CELF4: variants seen among roughly 807,000 people sequenced by gnomAD.
CELF4 encodes CUG-BP- and ETR-3-like factor 4.
In CELF4, 18 loss-of-function variants were observed where a neutral mutation model predicts 59.9. That is an observed-to-expected ratio of 0.30 (90% confidence interval 0.21 to 0.45). The LOEUF (loss-of-function observed/expected upper bound fraction) is 0.45. Ranked by LOEUF, CELF4 falls within the 20% of genes least tolerant of loss-of-function variation. The probability of loss-of-function intolerance (pLI) is 1.00; values close to 1 mark genes in which losing one functional copy is unlikely to be tolerated. For missense variants in CELF4, 456 were observed against 689.0 expected, an observed-to-expected ratio of 0.66 and a Z score of 3.79; for synonymous variants, 261 against 267.1, an observed-to-expected ratio of 0.98 and a Z score of 0.22.
intron 2 of CELF4, among the ~76,000 whole-genome samples, chr18:37,407,793 A>G (rs978419097): frequency 1.1e-4 from 16 of 151,956 alleles, no homozygotes; most frequent in Admixed American, 6.5e-5. Context: ...CCAGGACAAC[A>G]CTGCACATGC....
At chr18:37,377,799 G>A (rs763055128) in intron 2 of CELF4, among the ~76,000 whole-genome samples, 2 of 152,144 alleles carry the variant, frequency 1.3e-5, no homozygotes, top group African/African-American at 4.8e-5. Flanking sequence ...GGATGCATTC[G>A]TTCTGGGGCA....
At chr18:37,376,789 G>A (rs2098974805) in intron 2 of CELF4, among the ~76,000 whole-genome samples, 2 of 152,242 alleles carry the variant, frequency 1.3e-5, no homozygotes, top group Admixed American at 6.5e-5. Context: ...GGCCTGGCAA[G>A]GGTTGGGATC....
intron 2 of CELF4, among the ~76,000 whole-genome samples, chr18:37,352,082 A>G (rs1475563201): frequency 2.0e-5 from 3 of 152,186 alleles, no homozygotes; most frequent in Non-Finnish European, 4.4e-5. Context: ...GATGCATGCA[A>G]TGTGGTGCTG....
chr18:37,245,325 A>G lies in CELF4; in HGVS notation c.*45-128T>C, dbSNP rs2061638337. ...GGGGATGGTGGGAGGGAAGGAAGAG[A>G]GACCAGTATGAGAATTAGTCATGAT... On this transcript the variant is annotated intron_variant, in intron 12 of 12. Coordinates refer to ENST00000420428, the MANE Select transcript of CELF4 (RefSeq NM_020180.4). The surrounding 1 kb of genome is among the most constrained non-coding windows in gnomAD (Gnocchi z 4.1). 1.3e-5 allele frequency: 2 copies of G among 152,106 alleles called. No homozygotes were observed. The highest frequency in any genetic ancestry group is 1.3e-4 in the Admixed American group (2 of 15,262). 9.4% of individuals were successfully genotyped at this position (152,106 alleles called of 1,614,324 possible). A position where few individuals can be genotyped will look rare whatever the true frequency, so the allele number is the denominator to read the frequency against.
At chr18:37,294,949 G>T (rs148731159) in intron 3 of CELF4, among the ~76,000 whole-genome samples, 2 of 152,296 alleles carry the variant, frequency 1.3e-5, no homozygotes, top group South Asian at 2.1e-4. Flanking sequence ...TCTGTTTTCC[G>T]CTAGTTTATA....
chr18:37,419,662 G>A (rs1205662282), intron 2 of CELF4, among the ~76,000 whole-genome samples: 3 of 152,206 alleles, frequency 2.0e-5, no homozygotes, highest in African/African-American at 4.8e-5. Context: ...TCTCCTGAGA[G>A]GGTGGAGAGA....
chr18:37,309,473 A>G (rs1056061125), intron 3 of CELF4, among the ~76,000 whole-genome samples: 32 of 152,126 alleles, frequency 2.1e-4, no homozygotes, highest in African/African-American at 7.2e-4. Flanking sequence ...CCAGAGCCCT[A>G]GCAGCTGCTG....
chr18:37,476,148 G>A (rs1283716177), intron 2 of CELF4, among the ~76,000 whole-genome samples: 1 of 152,226 alleles, frequency 6.6e-6, no homozygotes, highest in Non-Finnish European at 1.5e-5. Context: ...CATATAAAGG[G>A]CGCACACATG....
intron 2 of CELF4, among the ~76,000 whole-genome samples, chr18:37,450,507 C>T (rs1431236489): frequency 6.6e-6 from 1 of 151,912 alleles, no homozygotes; most frequent in African/African-American, 2.4e-5. Flanking sequence ...CCTTTCCCTC[C>T]CCAGGTTTTT....
Position 37,253,897 on chromosome 18 carries a change from T to G in CELF4, c.1375A>C (p.Ile459Leu). Residue 459 changes from isoleucine to leucine, a missense_variant, in exon 12 of 13, where the codon ATC (isoleucine) becomes CTC (leucine). Around this residue, in one of 7 missense-constraint regions of CELF4, gnomAD observed 256 missense variants for 340.8 expected, o/e 0.75. Transcript: ENST00000420428. This position sits in a 1 kb window ranked among gnomAD's most constrained non-coding sequence, Gnocchi z 4.5. Reference sequence around the variant, plus strand: ...ATCTGGAAGCCGTTCATGGCCTGGATGGCGGTCTGCGCGCTGGCCGGGTTG... The same window carrying G: ...ATCTGGAAGCCGTTCATGGCCTGGAGGGCGGTCTGCGCGCTGGCCGGGTTG... ...FDNPASAQTA[I>L]QAMNGFQIGM... The G allele has an allele frequency of 6.2e-7, 1 of 1,607,738 alleles. No homozygotes were observed. The highest frequency in any genetic ancestry group is 8.5e-7 in the Non-Finnish European group (1 of 1,177,264).
At chr18:37,334,635 A>C (rs2097695586) in intron 2 of CELF4, among the ~76,000 whole-genome samples, 3 of 145,822 alleles carry the variant, frequency 2.1e-5, no homozygotes, top group African/African-American at 2.6e-5. Flanking sequence ...TGTTCCCTCC[A>C]CTCCCCCCGG....
chr18:37,341,798 G>A (rs79604879), intron 2 of CELF4, among the ~76,000 whole-genome samples: 8,533 of 152,164 alleles, frequency 0.056, 348 homozygotes, highest in Admixed American at 0.092. Flanking sequence ...GGATGGTGAA[G>A]GTTTCAATCC....
At chr18:37,466,447 C>A (rs568862404) in intron 2 of CELF4, among the ~76,000 whole-genome samples, 6 of 152,096 alleles carry the variant, frequency 3.9e-5, no homozygotes, top group African/African-American at 1.2e-4. Context: ...GCGCATGAAA[C>A]CTGGTGTGAG....
intron 3 of CELF4, among the ~76,000 whole-genome samples, chr18:37,291,672 C>A (rs2095341153): frequency 6.6e-6 from 1 of 152,150 alleles, no homozygotes. Flanking sequence ...TTTGTAGAAT[C>A]CTTTCAGCAG....
In CELF4 at chr18:37,321,901, G is replaced by T. The variant is rs1008922815; in HGVS notation, c.370-20C>A. The T allele has an allele frequency of 3.1e-6, 5 of 1,606,900 alleles. No individual in the cohort carries two copies. The highest frequency in any genetic ancestry group is 2.2e-5 in the East Asian group (1 of 44,744). ...GTTCATCTGCAACAGAGCAGAGGGG[G>T]ACAGCATTATAGCAGGCCTGCGGGT... On this transcript the variant is annotated intron_variant, in intron 2 of 12. Coordinates refer to ENST00000420428, the MANE Select transcript of CELF4 (RefSeq NM_020180.4).
intron 1 of CELF4, among the ~76,000 whole-genome samples, chr18:37,520,150 C>G (rs1296916550): frequency 1.3e-5 from 2 of 152,184 alleles, no homozygotes; most frequent in African/African-American, 2.4e-5. Context: ...CTCGGGGCCC[C>G]TAAATTGGCT....
chr18:37,454,482 C>T (rs1458213865), intron 2 of CELF4, among the ~76,000 whole-genome samples: 1 of 152,156 alleles, frequency 6.6e-6, no homozygotes, highest in Non-Finnish European at 1.5e-5. Context: ...TGGTTCTTGT[C>T]ATGCATCTTG....
chr18:37,337,565 T>C (rs762437674), intron 2 of CELF4, among the ~76,000 whole-genome samples: 1 of 152,162 alleles, frequency 6.6e-6, no homozygotes, highest in Non-Finnish European at 1.5e-5. Context: ...CCTGGCATGT[T>C]CCGGAGGGCC....
At chr18:37,460,949 G>C (rs570225501) in intron 2 of CELF4, among the ~76,000 whole-genome samples, 3 of 152,300 alleles carry the variant, frequency 2.0e-5, no homozygotes, top group Admixed American at 2.0e-4. Flanking sequence ...ATTCCATCAA[G>C]GGAAGGAAAA....
Sources: gnomAD v4.1 joint callset for allele counts (sites outside exome capture counted in the v4.1 genomes callset) on GRCh38, gnomAD v4.1.1 for gene constraint, gnomAD v4.1.1 regional missense constraint, Gnocchi (gnomAD v3.1) non-coding constraint, MANE v1.5 for transcripts, NCBI Gene and HGNC (gene_info 2026-07-23, HGNC 2026-07-21) for gene names.